Variants in GRAMD1B observed in about 807,000 individuals in gnomAD.
GRAMD1B encodes the protein protein Aster-B.
In GRAMD1B, 37 loss-of-function variants were observed where a neutral mutation model predicts 99.7. The ratio of observed to expected loss-of-function variants is 0.37; its 90% CI spans 0.29 to 0.49. GRAMD1B has a LOEUF of 0.49. GRAMD1B is among the 20% of genes least tolerant of loss of function. GRAMD1B has a pLI of 0.98. For synonymous variants in GRAMD1B, 427 were observed against 387.6 expected (o/e 1.10, Z -1.19); for missense variants, 888 against 1,009.2 (o/e 0.88, Z 1.63).
At chr11:123,434,301 T>C (rs1949060203) in intron 1 of GRAMD1B, among the ~76,000 whole-genome samples, 1 of 148,184 alleles carries the variant, frequency 6.7e-6, no homozygotes. Flanking sequence ...AAAGGCAGAC[T>C]CTGGATTCAA....
At chr11:123,400,370 G>T (rs1464201853) in intron 1 of GRAMD1B, among the ~76,000 whole-genome samples, 1 of 152,128 alleles carries the variant, frequency 6.6e-6, no homozygotes, top group Non-Finnish European at 1.5e-5. Context: ...CCAGCTACTC[G>T]GGAGGCTGAG....
chr11:123,368,275 A>AAAAAGAAAG lies in GRAMD1B; in HGVS notation c.-176+9479_-176+9480insAGAAAGAAA, dbSNP rs60644137. ...TCTTAAAACAAAAAAAAAAAAAAAA[A>AAAAAGAAAG]AAAGAAAGAAAGAGGAGGGTCCCTA... On this transcript the variant is annotated intron_variant, in intron 1 of 20. Transcript: ENST00000638157. 3.2e-3 allele frequency among the ~76,000 whole-genome samples: 408 copies of AAAAAGAAAG among 127,124 alleles called. 2 individuals carry two copies. Among genetic ancestry groups the AAAAAGAAAG allele is most frequent in the African/African-American group, 0.011 (315 of 27,488 alleles). 83.4% of individuals were successfully genotyped at this position (127,124 alleles called of 152,430 possible).
Position 123,542,373 on chromosome 11 carries a change from CATGGG to C in GRAMD1B, c.453-34990_453-34986del, listed in dbSNP as rs757630622. Among the ~76,000 whole-genome samples, 4 of 152,230 alleles carry C rather than the reference CATGGG, an allele frequency of 2.6e-5. No homozygotes were observed. In the East Asian group the frequency reaches 7.7e-4, roughly 29 times the overall value. On this transcript the variant is annotated intron_variant, in intron 2 of 19. Transcript: ENST00000635736. ...AGGGAACGTGGAAGGAAGGAAACGTCATGGGATGCCTTTGAGAAGCGAATAGTCTG... is the reference window on the plus strand; with the variant it reads ...AGGGAACGTGGAAGGAAGGAAACGTCATGCCTTTGAGAAGCGAATAGTCTG...
intron 1 of GRAMD1B, among the ~76,000 whole-genome samples, chr11:123,387,391 C>T (rs1947102543): frequency 6.6e-6 from 1 of 152,128 alleles, no homozygotes; most frequent in Non-Finnish European, 1.5e-5. Context: ...ACATGAGGCC[C>T]AGTGTTTATC....
intron 1 of GRAMD1B, among the ~76,000 whole-genome samples, chr11:123,369,953 G>A (rs1946466589): frequency 1.3e-5 from 2 of 152,022 alleles, no homozygotes; most frequent in South Asian, 4.1e-4. Context: ...GAGAAAATGG[G>A]AAAACAGCAA....
At chr11:123,386,500 T>C (rs1167420213) in intron 1 of GRAMD1B, among the ~76,000 whole-genome samples, 7 of 150,592 alleles carry the variant, frequency 4.6e-5, no homozygotes, top group Non-Finnish European at 1.0e-4. Flanking sequence ...TGCAATGGCA[T>C]GATCTTGGCT....
At chr11:123,411,130 G>A (rs1184505884) in intron 1 of GRAMD1B, among the ~76,000 whole-genome samples, 3 of 151,716 alleles carry the variant, frequency 2.0e-5, no homozygotes, top group South Asian at 2.1e-4. Flanking sequence ...TCAGCCTCCC[G>A]AGTAGCTGGG....
intron 4 of GRAMD1B, among the ~76,000 whole-genome samples, chr11:123,585,576 T>C (rs559828052): frequency 6.6e-6 from 1 of 152,288 alleles, no homozygotes; most frequent in South Asian, 2.1e-4. Context: ...TCTACTTCTA[T>C]CTCTGAGCCA....
intron 2 of GRAMD1B, among the ~76,000 whole-genome samples, chr11:123,524,420 A>G (rs1565327031): frequency 6.6e-6 from 1 of 151,430 alleles, no homozygotes; most frequent in East Asian, 2.0e-4. Flanking sequence ...GGCTCACTGC[A>G]GCCTCTATCT....
At chr11:123,483,258 G>A (rs139514513) in intron 2 of GRAMD1B, among the ~76,000 whole-genome samples, 2,051 of 152,266 alleles carry the variant, frequency 0.013, 10 homozygotes, top group Non-Finnish European at 0.022. Context: ...TGTATACAGC[G>A]TGGATATGCT....
chr11:123,421,757 G>A (rs1948444319), intron 1 of GRAMD1B, among the ~76,000 whole-genome samples: 2 of 152,178 alleles, frequency 1.3e-5, no homozygotes, highest in Admixed American at 1.3e-4. Context: ...TCCTGGAAAA[G>A]GTGACATGTT....
chr11:123,573,533 C>T (rs888149499), intron 2 of GRAMD1B, among the ~76,000 whole-genome samples: 1 of 152,180 alleles, frequency 6.6e-6, no homozygotes, highest in Non-Finnish European at 1.5e-5. Flanking sequence ...CGAAAATGAG[C>T]TTGACAATCA....
chr11:123,554,201 T>G (rs1173576677), intron 2 of GRAMD1B, among the ~76,000 whole-genome samples: 1 of 152,170 alleles, frequency 6.6e-6, no homozygotes, highest in East Asian at 1.9e-4. Flanking sequence ...GAATACATAT[T>G]AAATGTATAA....
intron 1 of GRAMD1B, among the ~76,000 whole-genome samples, chr11:123,438,524 G>A (rs748897128): frequency 6.6e-6 from 1 of 152,360 alleles, no homozygotes; most frequent in Admixed American, 6.5e-5. Context: ...TCCTCCGTGA[G>A]AATCAGCTAG....
intron 2 of GRAMD1B, among the ~76,000 whole-genome samples, chr11:123,571,246 G>A (rs1389761689): frequency 6.6e-6 from 1 of 152,228 alleles, no homozygotes; most frequent in African/African-American, 2.4e-5. Context: ...GAGCTGGCTT[G>A]CTGACAAGGT....
At chr11:123,390,421 T>C (rs1180925232) in intron 1 of GRAMD1B, among the ~76,000 whole-genome samples, 1 of 152,192 alleles carries the variant, frequency 6.6e-6, no homozygotes, top group Non-Finnish European at 1.5e-5. Flanking sequence ...CTTGAATCCC[T>C]CTTCTCCTCA....
At chr11:123,400,897 A>G (rs1349840341) in intron 1 of GRAMD1B, among the ~76,000 whole-genome samples, 2 of 152,136 alleles carry the variant, frequency 1.3e-5, no homozygotes, top group Admixed American at 6.5e-5. Context: ...CCCTCATTTT[A>G]TAGATGAAAA....
At chr11:123,481,365 A>G (rs1240476077) in intron 2 of GRAMD1B, among the ~76,000 whole-genome samples, 2 of 152,122 alleles carry the variant, frequency 1.3e-5, no homozygotes, top group African/African-American at 2.4e-5. Context: ...GAGGCAGGAG[A>G]ATCGCTTGAA....
At position 123,610,235 on chromosome 11, in the gene GRAMD1B, A is replaced by G. The variant is rs1953354879; in HGVS notation, c.1816A>G (p.Ile606Val). Residue 606 changes from isoleucine to valine, a missense_variant, in exon 14 of 20, where the codon ATA becomes GTA. Ile to Val is a conservative substitution (Grantham distance 29). Around this residue, in one of 5 missense-constraint regions of GRAMD1B, gnomAD observed 92 missense variants for 156.9 expected, o/e 0.59. Transcript: ENST00000635736. The surrounding 1 kb of genome is among the most constrained non-coding windows in gnomAD (Gnocchi z 4.1). ...KASQESECYV[I>V]DAEVLTHDVP... ...GAGCCAGGAGAGTGAATGTTACGTG[A>G]TAGATGCCGAAGTCCTCACCCACGA... is the stretch of plus-strand genomic sequence containing the variant. 5 of 1,613,706 alleles carry G rather than the reference A, an allele frequency of 3.1e-6. No individual in the cohort carries two copies. Among genetic ancestry groups the G allele is most frequent in the Non-Finnish European group, 3.4e-6 (4 of 1,179,802 alleles).
Sources: gnomAD v4.1 joint callset for allele counts (sites outside exome capture counted in the v4.1 genomes callset) on GRCh38, gnomAD v4.1.1 for gene constraint, gnomAD v4.1.1 regional missense constraint, Gnocchi (gnomAD v3.1) non-coding constraint, MANE v1.5 for transcripts, NCBI Gene and HGNC (gene_info 2026-07-23, HGNC 2026-07-21) for gene names.